The following CUL4A variants were observed in gnomAD, a reference collection of about 807,000 sequenced individuals.
CUL4A encodes cullin 4A, also known as cullin-4A.
CUL4A carries 16 observed loss-of-function variants against 95.5 expected under a neutral mutation model. That is an observed-to-expected ratio of 0.17 (90% confidence interval 0.11 to 0.25). The LOEUF is 0.25. Among genes scored for constraint, CUL4A ranks in the 10% least tolerant of loss-of-function variants. CUL4A has a pLI of 1.00. For missense variants in CUL4A, 610 were observed against 937.0 expected, an observed-to-expected ratio of 0.65 and a Z score of 4.56; for synonymous variants, 380 against 353.1, an observed-to-expected ratio of 1.08 and a Z score of -0.85.
chr13:113,219,028 A>G lies in CUL4A; in HGVS notation c.348A>G (p.Ala116=). The G allele has an allele frequency of 6.2e-7, 1 of 1,609,958 alleles. No individual in the cohort carries two copies. The part of the protein sequence containing the change: ...LRQACEDHVQ[A]QILPFREDSL... ...AGGCCTGTGAAGACCACGTCCAGGC[A>G]CAGATCCTTCCGTTTAGAGAATATC... is the stretch of plus-strand genomic sequence containing the variant. Residue 116 remains alanine, a synonymous_variant, in exon 3 of 20, where the codon GCA becomes GCG. Transcript: ENST00000375440.
intron 2 of CUL4A, among the ~76,000 whole-genome samples, chr13:113,211,728 C>A (rs568395759): frequency 2.6e-5 from 4 of 152,066 alleles, no homozygotes; most frequent in African/African-American, 9.7e-5. Context: ...TTGTGAATAA[C>A]CCTTTGTTTG....
chr13:113,248,956 C>T (rs1336088352), intron 15 of CUL4A, among the ~76,000 whole-genome samples: 1 of 152,126 alleles, frequency 6.6e-6, no homozygotes, highest in Non-Finnish European at 1.5e-5. Context: ...GGCTGTGGAA[C>T]CCATGGACAC....
intron 3 of CUL4A, among the ~76,000 whole-genome samples, chr13:113,222,494 G>A (rs909561533): frequency 3.3e-5 from 5 of 152,014 alleles, no homozygotes; most frequent in African/African-American, 9.7e-5. Flanking sequence ...GAGGAGACAC[G>A]GATTGAGGCG....
chr13:113,250,698 C>T (rs1464900988), intron 15 of CUL4A, among the ~76,000 whole-genome samples: 3 of 152,010 alleles, frequency 2.0e-5, no homozygotes, highest in African/African-American at 7.2e-5. Flanking sequence ...CATGGTACTT[C>T]TCAAGGCAAA....
At chr13:113,238,750 C>G (rs989373733) in intron 9 of CUL4A, among the ~76,000 whole-genome samples, 1 of 152,122 alleles carries the variant, frequency 6.6e-6, no homozygotes, top group African/African-American at 2.4e-5. Flanking sequence ...CTTTAAACCT[C>G]CTCGTTTGTG....
upstream of CUL4A, chr13:113,209,601 G>A: frequency 3.0e-6 from 3 of 1,009,926 alleles, no homozygotes; most frequent in South Asian, 1.3e-4. Flanking sequence ...GGCGCTCGGG[G>A]CGGGGCGCGG....
At chr13:113,212,501 A>G (rs1410889338) in intron 2 of CUL4A, among the ~76,000 whole-genome samples, 1 of 152,152 alleles carries the variant, frequency 6.6e-6, no homozygotes, top group Non-Finnish European at 1.5e-5. Flanking sequence ...CTAGAGTCAG[A>G]GTCGGGTGCA....
rs137952937 is a variant in CUL4A, at chr13:113,220,516, C to T, written c.368+1468C>T. 2.3e-4 allele frequency among the ~76,000 whole-genome samples: 35 copies of T among 152,358 alleles called. 1 individual carries two copies. In the East Asian group the frequency reaches 6.4e-3, roughly 28 times the overall value. ...TCAGCAATGCGCTTCCAGGAACCTA[C>T]GTTCCAGATGTTTCCATCCAAAAAG... On this transcript the variant is annotated intron_variant, in intron 3 of 19. Transcript: ENST00000375440.
At chr13:113,235,261 T>G in intron 8 of CUL4A, 116 bp downstream of exon 8, 5 of 663,146 alleles carry the variant, frequency 7.5e-6, no homozygotes, top group Middle Eastern at 2.5e-4. Context: ...AAGAGTGTTT[T>G]TGCACCTAGC....
rs1219265558 is a variant in CUL4A, at chr13:113,239,516, C to G, written c.1000C>G (p.Gln334Glu). 1 of 1,613,542 alleles carries G rather than the reference C, an allele frequency of 6.2e-7. No individual in the cohort carries two copies. The highest frequency in any genetic ancestry group is 8.5e-7 in the Non-Finnish European group (1 of 1,179,776). The change falls in exon 10 of 20, where the codon CAG becomes GAG. Residue 334 changes from glutamine to glutamate, a missense_variant. Gln to Glu is a conservative substitution (Grantham distance 29). Around this residue, in one of 10 missense-constraint regions of CUL4A, gnomAD observed 153 missense variants for 244.5 expected, o/e 0.63. Transcript: ENST00000375440. ...QLFSRVRGGQQALLQHWSEYI... is the reference protein window; with the variant it reads ...QLFSRVRGGQEALLQHWSEYI... ...GTTCAGCCGGGTGAGGGGCGGGCAG[C>G]AGGCGCTGCTGCAGCACTGGAGCGA...
At chr13:113,241,483 G>A (rs1212996620) in intron 10 of CUL4A, among the ~76,000 whole-genome samples, 3 of 151,688 alleles carry the variant, frequency 2.0e-5, no homozygotes, top group East Asian at 3.9e-4. Flanking sequence ...CCCCTCTCTG[G>A]GAGAGTCTGT....
At chr13:113,260,857 T>C in intron 19 of CUL4A, 98 bp downstream of exon 19, 1 of 934,224 alleles carries the variant, frequency 1.1e-6, no homozygotes, top group Non-Finnish European at 1.6e-6. Context: ...TGACCTGCAT[T>C]ATTCATGGTG....
At chr13:113,245,882 C>T (rs145972139) in intron 14 of CUL4A, 74 bp from the exon 15 acceptor site, 4 of 1,062,830 alleles carry the variant, frequency 3.8e-6, no homozygotes, top group East Asian at 5.2e-5. Flanking sequence ...GAAAATTACA[C>T]GGTTTATTTT....
Position 113,235,189 on chromosome 13 carries a change from C to A in CUL4A, c.848+44C>A, listed in dbSNP as rs546402284. On this transcript the variant is annotated intron_variant, in intron 8 of 19. Transcript: ENST00000375440. ...CTGAGCGTTCGTATCTTCACCATGG[C>A]TGGAAGGTTCTCCTGGCTGGTTATT... 5.8e-5 allele frequency: 76 copies of A among 1,320,380 alleles called. 1 individual carries two copies. In the South Asian group the frequency reaches 9.2e-4, roughly 16 times the overall value. 81.8% of individuals were successfully genotyped at this position (1,320,380 alleles called of 1,614,324 possible). A position where few individuals can be genotyped will look rare whatever the true frequency, so the allele number is the denominator to read the frequency against.
At chr13:113,256,995 G>C (rs532611820) in intron 18 of CUL4A, among the ~76,000 whole-genome samples, 1 of 117,480 alleles carries the variant, frequency 8.5e-6, no homozygotes, top group African/African-American at 3.3e-5. Context: ...GTACAATCTC[G>C]CTCACTGCAA....
chr13:113,235,351 TA>T (rs1402477259), intron 8 of CUL4A, among the ~76,000 whole-genome samples: 2 of 152,392 alleles, frequency 1.3e-5, no homozygotes, highest in East Asian at 3.9e-4. Context: ...GAGTTACGTC[TA>T]AAGAGAGTAA....
intron 15 of CUL4A, among the ~76,000 whole-genome samples, chr13:113,252,236 A>G (rs867009835): frequency 6.6e-6 from 1 of 152,188 alleles, no homozygotes; most frequent in Non-Finnish European, 1.5e-5. Context: ...ATCAGTAGAA[A>G]GTTTGGAAAA....
chr13:113,239,303 G>T, intron 9 of CUL4A, 130 bp from the exon 10 acceptor site: 1 of 764,964 alleles, frequency 1.3e-6, no homozygotes, highest in Non-Finnish European at 2.4e-6. Context: ...TCATGTAGAG[G>T]CAGCGATGTG....
chr13:113,232,285 G>C (rs1199641647), intron 5 of CUL4A, among the ~76,000 whole-genome samples: 1 of 148,288 alleles, frequency 6.7e-6, no homozygotes, highest in African/African-American at 2.5e-5. Context: ...TATTACTGCT[G>C]CCACCACTAC....
Sources: allele counts gnomAD v4.1 joint callset (sites outside exome capture counted in the v4.1 genomes callset), GRCh38; gene constraint gnomAD v4.1.1; regional missense constraint gnomAD v4.1.1; transcripts MANE v1.5; gene names NCBI Gene and HGNC (gene_info 2026-07-23, HGNC 2026-07-21).